The following KPNA1 variants were observed in gnomAD, a reference collection of about 807,000 sequenced individuals.
KPNA1 encodes the protein importin subunit alpha-5.
A neutral mutation model predicts 70.5 loss-of-function variants in KPNA1; 10 were observed. The observed-to-expected ratio is 0.14, with a 90% CI of 0.09 to 0.24. The LOEUF (loss-of-function observed/expected upper bound fraction) is 0.24. Ranked by LOEUF, KPNA1 falls within the 10% of genes least tolerant of loss-of-function variation. The probability of loss-of-function intolerance (pLI) is 1.00; values close to 1 mark genes in which losing one functional copy is unlikely to be tolerated. For missense variants in KPNA1, 397 were observed against 637.9 expected (o/e 0.62, Z 4.07); for synonymous variants, 192 against 221.9 (o/e 0.87, Z 1.20).
At chr3:122,437,337 T>A (rs1161802858) in intron 10 of KPNA1, 42 bp from the exon 11 acceptor site, 1 of 1,428,540 alleles carries the variant, frequency 7.0e-7, no homozygotes, top group Admixed American at 2.2e-5. Flanking sequence ...TGTATTGTTC[T>A]AAATATCAAT....
chr3:122,485,273 C>CT (rs1467445955), intron 2 of KPNA1, among the ~76,000 whole-genome samples: 2 of 152,114 alleles, frequency 1.3e-5, no homozygotes, highest in Non-Finnish European at 2.9e-5. Context: ...TGAAACTAAT[C>CT]TTAAGGCTAC....
chr3:122,485,047 G>A (rs1026338800), intron 2 of KPNA1, among the ~76,000 whole-genome samples: 1 of 152,116 alleles, frequency 6.6e-6, no homozygotes, highest in Non-Finnish European at 1.5e-5. Context: ...ATAGGTGCAT[G>A]CTAATTAGTT....
intron 12 of KPNA1, among the ~76,000 whole-genome samples, chr3:122,431,293 G>C (rs989548375): frequency 6.6e-6 from 1 of 152,106 alleles, no homozygotes; most frequent in East Asian, 1.9e-4. Context: ...AGCCTCCCAA[G>C]TAGCTGGAAC....
At chr3:122,477,674 T>C (rs1250021736) in intron 2 of KPNA1, among the ~76,000 whole-genome samples, 1 of 151,864 alleles carries the variant, frequency 6.6e-6, no homozygotes, top group Non-Finnish European at 1.5e-5. Context: ...GAGTAAGACC[T>C]TGTCTCAAAA....
At chr3:122,457,759 C>G in intron 5 of KPNA1, 1 of 1,289,608 alleles carries the variant, frequency 7.8e-7, no homozygotes, top group Non-Finnish European at 1.0e-6. Context: ...GGTTGAGGTA[C>G]GCCTGGTTCC....
intron 12 of KPNA1, chr3:122,432,650 G>C (rs1256658457): frequency 1.3e-5 from 2 of 151,982 alleles, no homozygotes; most frequent in Admixed American, 6.6e-5. Context: ...TCTAGGCTAG[G>C]CTCCATTTTT....
At chr3:122,441,829 G>A (rs2076066897) in intron 10 of KPNA1, among the ~76,000 whole-genome samples, 2 of 152,204 alleles carry the variant, frequency 1.3e-5, no homozygotes, top group African/African-American at 4.8e-5. Flanking sequence ...TCGAACTCCT[G>A]AGCTCAGGCA....
intron 5 of KPNA1, chr3:122,457,782 G>A (rs779527744): frequency 1.2e-5 from 15 of 1,289,680 alleles, no homozygotes; most frequent in Non-Finnish European, 1.5e-5. Context: ...TTCTCCATTT[G>A]GATCAGGACT....
Position 122,427,718 on chromosome 3 carries a change from T to TA in KPNA1, c.1251-3dup, listed in dbSNP as rs758999186. On this transcript the variant is annotated splice_region_variant and splice_polypyrimidine_tract_variant and intron_variant, in intron 12 of 13. Transcript: ENST00000344337. ...ATACAACCCAGTTCTACTAGGTACCTAAATACAAAGAATAATGTAGTCAAA... is the reference window on the plus strand; with the variant it reads ...ATACAACCCAGTTCTACTAGGTACCTAAAATACAAAGAATAATGTAGTCAAA... 5.4e-5 allele frequency: 84 copies of TA among 1,559,240 alleles called. No homozygotes were observed. In the South Asian group the frequency reaches 9.5e-4, roughly 18 times the overall value.
intron 10 of KPNA1, 27 bp from the exon 11 acceptor site, chr3:122,437,322 CT>C (rs1426737920): frequency 1.3e-6 from 2 of 1,549,098 alleles, no homozygotes; most frequent in Non-Finnish European, 8.8e-7. Flanking sequence ...GAAAATTTTA[CT>C]TATTGTATTG....
At position 122,426,870 on chromosome 3, in the gene KPNA1, A is replaced by C. The variant is rs149498825; in HGVS notation, c.*115T>G. ...GTGCGCAAGGCAAGCAAATGAGCGC[A>C]AACAGTATTATGGAAAACATTTGAG... On this transcript the variant is annotated 3_prime_UTR_variant, in exon 14 of 14. Transcript: ENST00000344337. 7 of 796,044 alleles carry C rather than the reference A, an allele frequency of 8.8e-6. No individual in the cohort carries two copies. The highest frequency in any genetic ancestry group is 5.2e-5 in the East Asian group (2 of 38,234). 49.3% of individuals were successfully genotyped at this position (796,044 alleles called of 1,614,324 possible).
chr3:122,454,049 T>G (rs2076240643), intron 5 of KPNA1, 48 bp from the exon 6 acceptor site: 1 of 1,362,802 alleles, frequency 7.3e-7, no homozygotes, highest in Non-Finnish European at 1.0e-6. Context: ...ATGTAAAAGT[T>G]TGTTTACTTA....
intron 6 of KPNA1, among the ~76,000 whole-genome samples, chr3:122,452,614 GGAGGGA>G (rs1416672912): frequency 2.9e-5 from 3 of 103,518 alleles, no homozygotes; most frequent in African/African-American, 3.7e-5. Context: ...AGGAAGGGAG[GGAGGGA>G]AAGGAGGGAG....
At chr3:122,437,074 C>G (rs2075999407) in intron 11 of KPNA1, 96 bp downstream of exon 11, 1 of 1,326,328 alleles carries the variant, frequency 7.5e-7, no homozygotes, top group Non-Finnish European at 1.0e-6. Flanking sequence ...GCCACCGCAC[C>G]CAGCCAAAAA....
At chr3:122,444,530 T>C (rs1576290934) in intron 9 of KPNA1, among the ~76,000 whole-genome samples, 1 of 152,224 alleles carries the variant, frequency 6.6e-6, no homozygotes, top group Middle Eastern at 3.2e-3. Flanking sequence ...TAAATGTCCA[T>C]GAAATCTTTA....
At chr3:122,462,805 C>A (rs763177808) in intron 4 of KPNA1, among the ~76,000 whole-genome samples, 1 of 152,126 alleles carries the variant, frequency 6.6e-6, no homozygotes, top group Non-Finnish European at 1.5e-5. Flanking sequence ...CTCTAAACAA[C>A]CATAACTTAA....
intron 1 of KPNA1, among the ~76,000 whole-genome samples, chr3:122,498,312 C>A (rs1401367686): frequency 6.6e-6 from 1 of 152,058 alleles, no homozygotes; most frequent in African/African-American, 2.4e-5. Flanking sequence ...TAAAAAGAGA[C>A]CCCCCAAAGA....
At chr3:122,434,932 T>C (rs1454957447) in intron 11 of KPNA1, among the ~76,000 whole-genome samples, 2 of 152,214 alleles carry the variant, frequency 1.3e-5, no homozygotes, top group African/African-American at 4.8e-5. Flanking sequence ...TCTCAGTTCC[T>C]AATTCAGCAT....
intron 12 of KPNA1, among the ~76,000 whole-genome samples, chr3:122,430,261 G>GT (rs1377185991): frequency 5.3e-5 from 8 of 151,832 alleles, no homozygotes; most frequent in Non-Finnish European, 1.2e-4. Context: ...TATCATACTT[G>GT]TTTTTATTAA....
Sources: gnomAD v4.1 joint callset for allele counts (sites outside exome capture counted in the v4.1 genomes callset) on GRCh38, gnomAD v4.1.1 for gene constraint, MANE v1.5 for transcripts, NCBI Gene and HGNC (gene_info 2026-07-23, HGNC 2026-07-21) for gene names.